The following AGO4 variants were observed in gnomAD, a reference collection of about 807,000 sequenced individuals.
AGO4 encodes argonaute RISC component 4.
A neutral mutation model predicts 104.7 loss-of-function variants in AGO4; 33 were observed. The observed-to-expected ratio is 0.32, with a 90% CI of 0.24 to 0.42. The LOEUF (loss-of-function observed/expected upper bound fraction) is 0.42. Among genes scored for constraint, AGO4 ranks in the 10% least tolerant of loss-of-function variants. The pLI is 1.00. For synonymous variants in AGO4, 331 were observed against 364.7 expected, an observed-to-expected ratio of 0.91 and a Z score of 1.05; for missense variants, 711 against 1,083.4, an observed-to-expected ratio of 0.66 and a Z score of 4.83.
chr1:35,818,666 AAAGGAAGG>A (rs796636245), intron 2 of AGO4, among the ~76,000 whole-genome samples: 105 of 79,786 alleles, frequency 1.3e-3, no homozygotes, highest in African/African-American at 3.2e-3. Context: ...AGAAAGGAAG[AAAGGAAGG>A]AAGGAAGGAA....
intron 2 of AGO4, among the ~76,000 whole-genome samples, chr1:35,819,014 A>C (rs545724358): frequency 5.8e-4 from 88 of 152,320 alleles, no homozygotes; most frequent in African/African-American, 2.0e-3. Context: ...ATTCAGGTGA[A>C]AAGTAATGGT....
chr1:35,816,859 C>T, intron 1 of AGO4, 23 bp from the exon 2 acceptor site: 1 of 1,519,536 alleles, frequency 6.6e-7, no homozygotes, highest in Non-Finnish European at 8.8e-7. Context: ...AATAGCACAG[C>T]AAATGTCTTT....
In AGO4 at chr1:35,832,654, G is replaced by T. The variant is rs539558879; in HGVS notation, c.1379+84G>T. Reference sequence around the variant, plus strand: ...TTTATGTGAATGTGCTGTGTACACTGGCACTAAATCCCTGACTCCCATAGT... The same window carrying T: ...TTTATGTGAATGTGCTGTGTACACTTGCACTAAATCCCTGACTCCCATAGT... On this transcript the variant is annotated intron_variant, in intron 11 of 17. Coordinates refer to ENST00000373210, the MANE Select transcript of AGO4 (RefSeq NM_017629.4). The T allele has an allele frequency of 3.9e-5, 57 of 1,478,094 alleles. No homozygotes were observed. In the South Asian group the frequency reaches 4.8e-4, roughly 12 times the overall value. The allele number at this position is 1,478,094 out of a possible 1,614,324, so 91.6% of individuals were successfully genotyped here.
chr1:35,835,238 G>A (rs1221015222), intron 12 of AGO4, among the ~76,000 whole-genome samples: 1 of 151,910 alleles, frequency 6.6e-6, no homozygotes, highest in East Asian at 1.9e-4. Context: ...TGTATTTTTA[G>A]TAGAGATGGG....
intron 17 of AGO4, 193 bp downstream of exon 17, chr1:35,851,246 T>G: frequency 3.2e-6 from 2 of 616,536 alleles, no homozygotes; most frequent in Non-Finnish European, 5.6e-6. Context: ...TTGTTTATAC[T>G]TGTGTTGTGT....
intron 13 of AGO4, among the ~76,000 whole-genome samples, chr1:35,836,449 C>T (rs1485862212): frequency 2.0e-5 from 3 of 152,178 alleles, no homozygotes; most frequent in Non-Finnish European, 4.4e-5. Context: ...CACTCTGTCC[C>T]CCAAGGTTGG....
Position 35,826,804 on chromosome 1 carries a change from A to G in AGO4, c.817A>G (p.Asn273Asp). 7 of 1,614,200 alleles carry G rather than the reference A, an allele frequency of 4.3e-6. No homozygotes were observed. The highest frequency in any genetic ancestry group is 5.9e-6 in the Non-Finnish European group (7 of 1,180,028). ...GQMKRKYRVCNVTRRPASHQT... is the reference protein window; with the variant it reads ...GQMKRKYRVCDVTRRPASHQT... ...GATGAAACGAAAATACCGAGTTTGT[A>G]ATGTGACTAGACGGCCAGCCAGTCA... is the stretch of plus-strand genomic sequence containing the variant. The change falls in exon 7 of 18, where the codon AAT becomes GAT. Residue 273 changes from asparagine to aspartate, a missense_variant. By Grantham distance (23) the Asn-to-Asp change is conservative. Around this residue, in one of 3 missense-constraint regions of AGO4, gnomAD observed 308 missense variants for 397.8 expected, o/e 0.77. Transcript: ENST00000373210.
At chr1:35,818,676 A>G (rs1230461031) in intron 2 of AGO4, among the ~76,000 whole-genome samples, 2 of 150,612 alleles carry the variant, frequency 1.3e-5, no homozygotes, top group African/African-American at 2.4e-5. Flanking sequence ...AAAGGAAGGA[A>G]GGAAGGAAGG....
chr1:35,852,009 A>G (rs1340551264), intron 17 of AGO4, among the ~76,000 whole-genome samples: 1 of 152,220 alleles, frequency 6.6e-6, no homozygotes, highest in Non-Finnish European at 1.5e-5. Flanking sequence ...AGAAGATTTC[A>G]TAGCTGGATG....
intron 15 of AGO4, among the ~76,000 whole-genome samples, chr1:35,842,258 T>A (rs1644464082): frequency 6.6e-6 from 1 of 152,108 alleles, no homozygotes; most frequent in Non-Finnish European, 1.5e-5. Context: ...CCACCTGAGC[T>A]CTGCCTCCTG....
rs370561390 is a variant in AGO4 at position 35,824,997 on chromosome 1, A to G, written c.307-316A>G. ...ACTATTCTACTTTCTGTCCCTTTAA[A>G]TTTGACTATTCAATGTACTTCATAG... On this transcript the variant is annotated intron_variant, in intron 3 of 17. Transcript: ENST00000373210. 1.3e-4 allele frequency among the ~76,000 whole-genome samples: 20 copies of G among 152,248 alleles called. No homozygotes were observed. The East Asian group carries it at 1.5e-3, about 12-fold the overall frequency.
rs1478974328 is a variant in AGO4, at chr1:35,850,908, G to T, written c.2332G>T (p.Ala778Ser). Reference sequence around the variant, plus strand: ...CTTGTGGGATGACAACTGCTTCACTGCAGATGAACTCCAGCTACTGACTTA... The same window carrying T: ...CTTGTGGGATGACAACTGCTTCACTTCAGATGAACTCCAGCTACTGACTTA... Reference protein sequence around the residue: ...QVLWDDNCFTADELQLLTYQL... With the variant: ...QVLWDDNCFTSDELQLLTYQL... Residue 778 changes from alanine (A) to serine (S), a missense_variant, in exon 17 of 18, where the codon GCA (alanine) becomes TCA (serine). Physicochemically the swap from Ala to Ser is moderately conservative, Grantham distance 99. Around this residue, in one of 3 missense-constraint regions of AGO4, gnomAD observed 401 missense variants for 665.5 expected, o/e 0.60. Transcript: ENST00000373210. 2 of 1,612,946 alleles carry T rather than the reference G, an allele frequency of 1.2e-6. No homozygotes were observed. The highest frequency in any genetic ancestry group is 1.1e-5 in the South Asian group (1 of 91,048).
At chr1:35,811,673 G>A (rs933421601) in intron 1 of AGO4, among the ~76,000 whole-genome samples, 2 of 151,800 alleles carry the variant, frequency 1.3e-5, no homozygotes, top group African/African-American at 4.8e-5. Context: ...GCGCCATCTC[G>A]GCTCACTGCA....
intron 3 of AGO4, 122 bp from the exon 4 acceptor site, chr1:35,825,191 C>T: frequency 2.0e-6 from 2 of 995,564 alleles, no homozygotes; most frequent in Non-Finnish European, 1.5e-6. Context: ...TCCAATGTTA[C>T]ACAATTGTAA....
chr1:35,818,167 T>C, intron 2 of AGO4, among the ~76,000 whole-genome samples: 1 of 152,332 alleles, frequency 6.6e-6, no homozygotes, highest in African/African-American at 2.4e-5. Context: ...TATGTTTATA[T>C]ATACATATAC....
At chr1:35,828,109 G>A (rs1479901233) in intron 7 of AGO4, among the ~76,000 whole-genome samples, 2 of 152,036 alleles carry the variant, frequency 1.3e-5, no homozygotes, top group East Asian at 3.9e-4. Context: ...ATATAAGGCT[G>A]TCAGGAGAAG....
chr1:35,826,194 C>G, intron 6 of AGO4, 134 bp downstream of exon 6: 1 of 1,091,574 alleles, frequency 9.2e-7, no homozygotes, highest in South Asian at 1.5e-5. Flanking sequence ...GGTCAAGTTC[C>G]TTAACCACTG....
chr1:35,822,332 C>T (rs574094101), intron 2 of AGO4, among the ~76,000 whole-genome samples: 2 of 152,070 alleles, frequency 1.3e-5, no homozygotes, highest in Non-Finnish European at 2.9e-5. Context: ...CTTGGTTCAC[C>T]ACAACCTCCG....
At chr1:35,826,101 G>A in intron 6 of AGO4, 41 bp downstream of exon 6, 1 of 1,607,752 alleles carries the variant, frequency 6.2e-7, no homozygotes, top group Non-Finnish European at 8.5e-7. Flanking sequence ...AAGCAGCTCA[G>A]CATGCTGCAC....
Sources: gnomAD v4.1 joint callset for allele counts (sites outside exome capture counted in the v4.1 genomes callset) on GRCh38, gnomAD v4.1.1 for gene constraint, gnomAD v4.1.1 regional missense constraint, MANE v1.5 for transcripts, NCBI Gene and HGNC (gene_info 2026-07-23, HGNC 2026-07-21) for gene names.